Variants in RFX8 observed in about 807,000 individuals in gnomAD.
RFX8 encodes DNA-binding protein RFX8.
Under a neutral mutation model 54.6 loss-of-function variants are expected in RFX8, and 46 were observed. The observed-to-expected ratio is 0.84, with a 90% CI of 0.67 to 1.08. The LOEUF (loss-of-function observed/expected upper bound fraction) is 1.08, where lower values mean the gene tolerates loss of function less well. Ranked by LOEUF, RFX8 falls within the 50% of genes least tolerant of loss-of-function variation. The pLI, the probability that RFX8 is intolerant of heterozygous loss-of-function variation, is 0.00. For synonymous variants in RFX8, 192 were observed against 209.5 expected, an observed-to-expected ratio of 0.92 and a Z score of 0.72; for missense variants, 536 against 562.3, an observed-to-expected ratio of 0.95 and a Z score of 0.47.
chr2:101,421,442 C>A (rs867720739), intron 4 of RFX8: 1 of 1,109,946 alleles, frequency 9.0e-7, no homozygotes, highest in Non-Finnish European at 1.1e-6. Flanking sequence ...TCAAAATGAG[C>A]AGAATTAGGA....
chr2:101,422,464 A>G lies in RFX8; in HGVS notation c.81T>C (p.Asp27=). The G allele has an allele frequency of 6.5e-7, 1 of 1,534,340 alleles. No homozygotes were observed. Among genetic ancestry groups the G allele is most frequent in the Non-Finnish European group, 8.8e-7 (1 of 1,131,146 alleles). ...CTGGGTCTGTCTTCATCGGTGAATGATCTTCACACTAAAAATCATTTGTGC... is the reference window on the plus strand; with the variant it reads ...CTGGGTCTGTCTTCATCGGTGAATGGTCTTCACACTAAAAATCATTTGTGC... ...VNPATFGKCE[D]HSPMKTDPVG... is the part of the protein sequence containing the mutation. The change falls in exon 3 of 12, where the codon GAT becomes GAC. Residue 27 remains aspartate (D), a synonymous_variant. Transcript: ENST00000428343.
intron 2 of RFX8, among the ~76,000 whole-genome samples, chr2:101,445,226 T>A (rs1404597543): frequency 1.3e-5 from 2 of 152,134 alleles, no homozygotes; most frequent in African/African-American, 2.4e-5. Context: ...ACTTTCTTGC[T>A]CCTTGAACTA....
chr2:101,410,983 C>T (rs1401315351), intron 8 of RFX8, among the ~76,000 whole-genome samples: 2 of 152,210 alleles, frequency 1.3e-5, no homozygotes, highest in African/African-American at 4.8e-5. Context: ...CATAACTACA[C>T]CTTGCAATTA....
intron 2 of RFX8, among the ~76,000 whole-genome samples, chr2:101,456,006 G>C (rs1337436105): frequency 6.6e-6 from 1 of 152,028 alleles, no homozygotes; most frequent in Non-Finnish European, 1.5e-5. Flanking sequence ...CTCATGATTT[G>C]GCTCTCTGTC....
chr2:101,397,676 G>A lies in RFX8; in HGVS notation c.1294C>T (p.Leu432Phe). 1.9e-6 allele frequency: 3 copies of A among 1,551,306 alleles called. No individual in the cohort carries two copies. Among genetic ancestry groups the A allele is most frequent in the Non-Finnish European group, 2.6e-6 (3 of 1,146,850 alleles). ...EDETTESAVK[L>F]SLPMGQEALI... ...GCTTCTTGTCCCATAGGAAGGCTGA[G>A]TTTAACTGCGCTTTCAGTGGTTTCA... Residue 432 changes from leucine (L) to phenylalanine (F), a missense_variant, in exon 12 of 12, where the codon CTC (leucine) becomes TTC (phenylalanine). Transcript: ENST00000428343.
intron 2 of RFX8, among the ~76,000 whole-genome samples, 196 bp from the exon 3 acceptor site, chr2:101,422,668 T>C (rs1675219721): frequency 6.6e-6 from 1 of 152,234 alleles, no homozygotes; most frequent in African/African-American, 2.4e-5. Context: ...TCTGTAATTC[T>C]ATGAACGATG....
At position 101,397,578 on chromosome 2, in the gene RFX8, A is replaced by C. The variant is rs1558828729; in HGVS notation, c.1392T>G (p.Ile464Met). The change falls in exon 12 of 12, where the codon ATT becomes ATG. Residue 464 changes from isoleucine (I) to methionine (M), a missense_variant. Ile to Met is a conservative substitution (Grantham distance 10). Coordinates refer to ENST00000428343, the MANE Select transcript of RFX8 (RefSeq NM_001145664.2). ...CATTAGCATTGTTTTCTCTGAAATA[A>C]ATATCTTCAGAGCTTTGGGGTACAT... ...ISDVPQSSEDIYFRENNANV is the reference protein window; with the variant it reads ...ISDVPQSSEDMYFRENNANV The C allele has an allele frequency of 6.5e-7, 1 of 1,548,190 alleles. No individual in the cohort carries two copies. Among genetic ancestry groups the C allele is most frequent in the Admixed American group, 2.0e-5 (1 of 50,438 alleles).
intron 2 of RFX8, among the ~76,000 whole-genome samples, chr2:101,424,129 G>A (rs996413059): frequency 1.3e-5 from 2 of 152,206 alleles, no homozygotes; most frequent in Non-Finnish European, 1.5e-5. Context: ...GGAACACAGA[G>A]GGGACAGCTC....
chr2:101,420,691 C>A (rs1172410667), intron 4 of RFX8, among the ~76,000 whole-genome samples: 1 of 152,238 alleles, frequency 6.6e-6, no homozygotes, highest in African/African-American at 2.4e-5. Flanking sequence ...TCTCCTACCC[C>A]ATTTTCTGTC....
chr2:101,430,855 G>A (rs1330827365), intron 2 of RFX8, among the ~76,000 whole-genome samples: 1 of 152,068 alleles, frequency 6.6e-6, no homozygotes, highest in Admixed American at 6.5e-5. Context: ...AATGAAATAA[G>A]ACAGAAGAAA....
rs1690236494 is a variant in RFX8 at position 101,475,063 on chromosome 2, T to C, written c.-480A>G. On this transcript the variant is annotated 5_prime_UTR_variant, in exon 1 of 12. An upstream start codon of the reference 5' UTR is lost. Transcript: ENST00000428343. ...TCAAGAGCCATTTATGTCAGTGTCA[T>C]TGCTGTGTGACATGGAGCTGCTGGC... is the stretch of plus-strand genomic sequence containing the variant. Among the ~76,000 whole-genome samples the C allele has an allele frequency of 6.6e-6, 1 of 152,150 alleles. No individual in the cohort carries two copies. Among genetic ancestry groups the C allele is most frequent in the Non-Finnish European group, 1.5e-5 (1 of 68,006 alleles).
intron 9 of RFX8, among the ~76,000 whole-genome samples, chr2:101,408,212 G>C (rs569369510): frequency 6.6e-6 from 1 of 152,128 alleles, no homozygotes; most frequent in Admixed American, 6.5e-5. Context: ...CTGGCCGGGC[G>C]CGGTGGCTCA....
At chr2:101,466,695 T>C in intron 2 of RFX8, 82 bp downstream of exon 2, 3 of 999,054 alleles carry the variant, frequency 3.0e-6, no homozygotes, top group Non-Finnish European at 4.7e-6. Flanking sequence ...TAGACTCAAA[T>C]ACATTGCAAC....
chr2:101,400,731 C>T (rs141876263), intron 11 of RFX8, among the ~76,000 whole-genome samples: 14 of 152,304 alleles, frequency 9.2e-5, no homozygotes, highest in African/African-American at 1.4e-4. Context: ...AGCCGGTGAG[C>T]GCAAAGAATT....
Position 101,447,872 on chromosome 2 carries a change from C to T in RFX8, c.72+18905G>A, listed in dbSNP as rs117423674. On this transcript the variant is annotated intron_variant, in intron 2 of 11. Transcript: ENST00000428343. ...GTGAGAACACGCAATATTTGTCTTT[C>T]GTGTCTGGCTTATTTAACTTAACAT... is the stretch of plus-strand genomic sequence containing the variant. Among the ~76,000 whole-genome samples, 86 of 152,278 alleles carry T rather than the reference C, an allele frequency of 5.6e-4. 2 individuals are homozygous for T. The East Asian group carries it at 0.015, about 27-fold the overall frequency.
intron 1 of RFX8, among the ~76,000 whole-genome samples, chr2:101,471,232 G>A (rs1302313439): frequency 2.0e-5 from 3 of 151,962 alleles, no homozygotes; most frequent in African/African-American, 7.2e-5. Flanking sequence ...TACTCAGGAG[G>A]CTGAGGTAGG....
chr2:101,452,802 C>G (rs1688756846), intron 2 of RFX8, among the ~76,000 whole-genome samples: 1 of 151,354 alleles, frequency 6.6e-6, no homozygotes, highest in South Asian at 2.1e-4. Flanking sequence ...TCTCTACAAC[C>G]TGGTCTCTAC....
Position 101,440,848 on chromosome 2 carries a change from T to C in RFX8, c.73-18376A>G, listed in dbSNP as rs564552297. ...TCGAGAAAAAGAAAGGGCAGTTTGA[T>C]TGTTCAGTGTGCATACATTTAGGAT... On this transcript the variant is annotated intron_variant, in intron 2 of 11. Transcript: ENST00000428343. Among the ~76,000 whole-genome samples, 6 of 152,326 alleles carry C rather than the reference T, an allele frequency of 3.9e-5. No individual in the cohort carries two copies. The South Asian group carries it at 1.0e-3, about 26-fold the overall frequency.
chr2:101,465,352 T>C (rs1689513593), intron 2 of RFX8, among the ~76,000 whole-genome samples: 2 of 151,846 alleles, frequency 1.3e-5, no homozygotes, highest in South Asian at 2.1e-4. Context: ...TAAAATAAAA[T>C]ACAAAAAATT....
Sources: gnomAD v4.1 joint callset for allele counts (sites outside exome capture counted in the v4.1 genomes callset) on GRCh38, gnomAD v4.1.1 for gene constraint, MANE v1.5 for transcripts, NCBI Gene and HGNC (gene_info 2026-07-23, HGNC 2026-07-21) for gene names.